The following EYS variants were observed in gnomAD, a reference collection of about 807,000 sequenced individuals.
The protein encoded by EYS is EGF-like photoreceptor maintenance factor.
Under a neutral mutation model 282.1 loss-of-function variants are expected in EYS, and 250 were observed. That is an observed-to-expected ratio of 0.89 (90% confidence interval 0.80 to 0.98). The LOEUF is 0.98. Among genes scored for constraint, EYS ranks in the 50% least tolerant of loss-of-function variants. The pLI is 0.00. For missense variants in EYS, 4,016 were observed against 3,709.0 expected (o/e 1.08, Z -2.15); for synonymous variants, 1,355 against 1,282.9 (o/e 1.06, Z -1.20).
At chr6:65,434,184 C>G (rs1767978986) in intron 5 of EYS, among the ~76,000 whole-genome samples, 3 of 152,124 alleles carry the variant, frequency 2.0e-5, no homozygotes, top group Admixed American at 2.0e-4. Context: ...AGAATGTGGA[C>G]CTTGTTGAAG....
rs1170243707 is a variant in EYS, at chr6:65,084,894, AAG to A, written c.2024-27169_2024-27168del. On this transcript the variant is annotated intron_variant, in intron 12 of 42. Transcript: ENST00000503581. Reference sequence around the variant, plus strand: ...TGGGCATCATTGTGGAGGAATAAGAAAGAGGGTGTGTTGCTGGGACAGTGAAA... The same window carrying A: ...TGGGCATCATTGTGGAGGAATAAGAAAGGGTGTGTTGCTGGGACAGTGAAA... Among the ~76,000 whole-genome samples the A allele has an allele frequency of 3.9e-5, 6 of 152,240 alleles. No homozygotes were observed. In the East Asian group the frequency reaches 1.2e-3, roughly 30 times the overall value.
rs116604543 is a variant in EYS at position 65,419,837 on chromosome 6, T to A, written c.863-14470A>T. On this transcript the variant is annotated intron_variant, in intron 5 of 42. Coordinates refer to ENST00000503581, the MANE Select transcript of EYS (RefSeq NM_001142800.2). Reference sequence around the variant, plus strand: ...CCAGATCACTACAATAAAGTCAATATCAATCTGAAGCAAGTCACACAAATG... The same window carrying A: ...CCAGATCACTACAATAAAGTCAATAACAATCTGAAGCAAGTCACACAAATG... Among the ~76,000 whole-genome samples, 549 of 152,090 alleles carry A rather than the reference T, an allele frequency of 3.6e-3. 4 individuals carry two copies. Among genetic ancestry groups the A allele is most frequent in the African/African-American group, 0.013 (529 of 41,546 alleles).
chr6:64,350,792 T>A (rs1187763239), intron 29 of EYS, among the ~76,000 whole-genome samples: 4 of 151,588 alleles, frequency 2.6e-5, no homozygotes, highest in African/African-American at 9.7e-5. Context: ...AAGTCTCATC[T>A]TGAATTGTAA....
At chr6:64,947,830 G>T (rs1769340752) in intron 14 of EYS, among the ~76,000 whole-genome samples, 1 of 151,610 alleles carries the variant, frequency 6.6e-6, no homozygotes, top group South Asian at 2.1e-4. Context: ...AATGGCATAT[G>T]CATAAAATCT....
At chr6:65,381,386 T>C (rs1232422899) in intron 8 of EYS, among the ~76,000 whole-genome samples, 1 of 151,880 alleles carries the variant, frequency 6.6e-6, no homozygotes, top group African/African-American at 2.4e-5. Flanking sequence ...AAACACCACA[T>C]GTTCTCACTC....
intron 12 of EYS, among the ~76,000 whole-genome samples, chr6:65,129,019 C>T (rs1390317927): frequency 6.6e-6 from 1 of 151,864 alleles, no homozygotes; most frequent in Non-Finnish European, 1.5e-5. Context: ...CAGCTACAAC[C>T]ATTTCATCTT....
At chr6:64,684,621 A>G (rs1770023994) in intron 22 of EYS, among the ~76,000 whole-genome samples, 1 of 151,964 alleles carries the variant, frequency 6.6e-6, no homozygotes, top group Admixed American at 6.6e-5. Flanking sequence ...ATATATGTAT[A>G]TGAGTGGACA....
intron 29 of EYS, chr6:64,379,698 G>C: frequency 6.6e-6 from 1 of 152,148 alleles, no homozygotes; most frequent in East Asian, 1.9e-4. Flanking sequence ...TCACATGAAA[G>C]TGAGGTGATC....
chr6:64,547,149 G>T (rs1465897213), intron 26 of EYS, among the ~76,000 whole-genome samples: 3 of 152,160 alleles, frequency 2.0e-5, no homozygotes, highest in Non-Finnish European at 4.4e-5. Flanking sequence ...TAAAGGCAGT[G>T]TGGACCCAAA....
At chr6:64,798,103 CT>C (rs1399989651) in intron 22 of EYS, among the ~76,000 whole-genome samples, 2 of 151,830 alleles carry the variant, frequency 1.3e-5, no homozygotes, top group Non-Finnish European at 2.9e-5. Context: ...AAGCAGATCA[CT>C]TTTTTTCTAA....
chr6:65,674,846 T>G (rs932962036), intron 1 of EYS, among the ~76,000 whole-genome samples: 2 of 152,050 alleles, frequency 1.3e-5, no homozygotes, highest in Non-Finnish European at 2.9e-5. Context: ...CCTTCAATAC[T>G]ATAATGGTAG....
chr6:64,772,567 G>A (rs916227543), intron 22 of EYS, among the ~76,000 whole-genome samples: 13 of 151,782 alleles, frequency 8.6e-5, no homozygotes, highest in East Asian at 1.9e-4. Flanking sequence ...GTTGACTGTA[G>A]CCATGCTGTT....
chr6:64,171,060 T>G (rs182997909), intron 31 of EYS, among the ~76,000 whole-genome samples: 66 of 152,344 alleles, frequency 4.3e-4, no homozygotes, highest in African/African-American at 1.5e-3. Flanking sequence ...GTAAATTTAT[T>G]CCTTTACAGG....
chr6:65,193,211 T>C (rs891542535), intron 12 of EYS, among the ~76,000 whole-genome samples: 1 of 151,884 alleles, frequency 6.6e-6, no homozygotes, highest in East Asian at 1.9e-4. Flanking sequence ...TTATTCTATT[T>C]TGCAGATGAG....
At chr6:63,829,153 C>G (rs2149689952) in intron 36 of EYS, among the ~76,000 whole-genome samples, 2 of 152,338 alleles carry the variant, frequency 1.3e-5, no homozygotes, top group South Asian at 4.1e-4. Flanking sequence ...CCGCACCTCT[C>G]AGCGTGAGCA....
chr6:65,387,006 T>A (rs931211196), intron 7 of EYS, among the ~76,000 whole-genome samples: 1 of 150,912 alleles, frequency 6.6e-6, no homozygotes, highest in African/African-American at 2.4e-5. Flanking sequence ...GGAAAAAAAA[T>A]AATGAAAATA....
chr6:64,576,712 C>T (rs979034653), intron 26 of EYS, among the ~76,000 whole-genome samples: 1 of 151,972 alleles, frequency 6.6e-6, no homozygotes, highest in Non-Finnish European at 1.5e-5. Context: ...AAGAAAATTA[C>T]TAAATTATGA....
chr6:64,468,563 C>T (rs1297278801), intron 26 of EYS, among the ~76,000 whole-genome samples: 1 of 152,122 alleles, frequency 6.6e-6, no homozygotes, highest in African/African-American at 2.4e-5. Context: ...AGGTAAATTG[C>T]ATGTCACAGG....
intron 5 of EYS, among the ~76,000 whole-genome samples, chr6:65,434,913 T>C (rs947134093): frequency 2.0e-5 from 3 of 152,092 alleles, no homozygotes; most frequent in African/African-American, 7.2e-5. Flanking sequence ...TAATTATCTC[T>C]ACTATTCCTA....
Sources: allele counts gnomAD v4.1 joint callset (sites outside exome capture counted in the v4.1 genomes callset), GRCh38; gene constraint gnomAD v4.1.1; transcripts MANE v1.5; gene names NCBI Gene and HGNC (gene_info 2026-07-23, HGNC 2026-07-21).